The following CFAP77 variants were observed in gnomAD, a reference collection of about 807,000 sequenced individuals.
CFAP77 encodes cilia- and flagella-associated protein 77.
In CFAP77, 25 loss-of-function variants were observed where a neutral mutation model predicts 31.1. The ratio of observed to expected loss-of-function variants is 0.80; its 90% CI spans 0.59 to 1.12. The LOEUF is 1.12. Among genes scored for constraint, CFAP77 ranks in the 50% most tolerant of loss-of-function variants. The pLI, the probability that CFAP77 is intolerant of heterozygous loss-of-function variation, is 0.00. For synonymous variants in CFAP77, 151 were observed against 159.9 expected (o/e 0.94, Z 0.42); for missense variants, 377 against 397.3 (o/e 0.95, Z 0.44).
intron 1 of CFAP77, among the ~76,000 whole-genome samples, chr9:132,459,420 G>GGTGT (rs112825234): frequency 0.058 from 8,313 of 143,870 alleles, 306 homozygotes; most frequent in African/African-American, 0.1. Flanking sequence ...GGATGAATAG[G>GGTGT]GTGTGTGTGT....
chr9:132,509,544 A>G (rs531523056), intron 3 of CFAP77, among the ~76,000 whole-genome samples: 2 of 152,306 alleles, frequency 1.3e-5, no homozygotes, highest in Admixed American at 6.5e-5. Context: ...CAAGGCAAGT[A>G]GATCACTTGA....
intron 3 of CFAP77, among the ~76,000 whole-genome samples, chr9:132,525,736 A>T (rs926506740): frequency 3.3e-5 from 5 of 151,958 alleles, no homozygotes; most frequent in Non-Finnish European, 7.4e-5. Context: ...TCTTCCTCAC[A>T]CCCCCTATAG....
intron 3 of CFAP77, among the ~76,000 whole-genome samples, chr9:132,534,842 G>A (rs1589912711): frequency 6.6e-6 from 1 of 152,086 alleles, no homozygotes; most frequent in African/African-American, 2.4e-5. Context: ...TTCAACTCAC[G>A]GCCATTGTTA....
chr9:132,471,068 C>T (rs2131735525), intron 1 of CFAP77, among the ~76,000 whole-genome samples: 2 of 152,022 alleles, frequency 1.3e-5, no homozygotes, highest in African/African-American at 4.8e-5. Flanking sequence ...TTGTGTGGGC[C>T]CCTATAAGGA....
chr9:132,456,063 A>G (rs1850907080), intron 1 of CFAP77, among the ~76,000 whole-genome samples: 1 of 152,196 alleles, frequency 6.6e-6, no homozygotes, highest in Non-Finnish European at 1.5e-5. Context: ...GCACTCGTCC[A>G]TCCACGAATA....
intron 3 of CFAP77, among the ~76,000 whole-genome samples, chr9:132,508,010 G>C (rs1029482764): frequency 6.6e-6 from 1 of 152,318 alleles, no homozygotes; most frequent in Non-Finnish European, 1.5e-5. Flanking sequence ...AGAGCGCAGG[G>C]AGAATGTCAG....
chr9:132,438,519 G>GTATATATATATA (rs34631762), intron 1 of CFAP77, among the ~76,000 whole-genome samples: 5 of 116,676 alleles, frequency 4.3e-5, no homozygotes, highest in Admixed American at 1.9e-4. Flanking sequence ...AACAGATATG[G>GTATATATATATA]TATATATATA....
chr9:132,513,891 G>A (rs1486378549), intron 3 of CFAP77, among the ~76,000 whole-genome samples: 1 of 152,020 alleles, frequency 6.6e-6, no homozygotes, highest in African/African-American at 2.4e-5. Context: ...CCTCCTCTGT[G>A]TCATTGACCA....
chr9:132,560,927 G>A (rs542519328), intron 5 of CFAP77, among the ~76,000 whole-genome samples: 7 of 152,226 alleles, frequency 4.6e-5, no homozygotes, highest in Non-Finnish European at 8.8e-5. Flanking sequence ...GCATGTGTCA[G>A]CAGGGAGGGT....
At chr9:132,422,160 G>A (rs538067632) in intron 1 of CFAP77, among the ~76,000 whole-genome samples, 19 of 152,210 alleles carry the variant, frequency 1.2e-4, no homozygotes, top group African/African-American at 4.6e-4. Flanking sequence ...AGGCTCACAC[G>A]ACCATGCCCA....
chr9:132,475,377 A>C (rs1851333053), intron 1 of CFAP77, among the ~76,000 whole-genome samples: 1 of 152,202 alleles, frequency 6.6e-6, no homozygotes, highest in Non-Finnish European at 1.5e-5. Context: ...CTATGGCTGC[A>C]TCTACCACTA....
chr9:132,416,722 T>C (rs151231502), intron 1 of CFAP77, among the ~76,000 whole-genome samples: 2,904 of 150,598 alleles, frequency 0.019, 90 homozygotes, highest in African/African-American at 0.067. Flanking sequence ...ACAGCAGCCT[T>C]CGCCTCCTGG....
intron 1 of CFAP77, among the ~76,000 whole-genome samples, chr9:132,423,293 G>A (rs1443871277): frequency 2.0e-5 from 3 of 152,332 alleles, no homozygotes; most frequent in South Asian, 4.1e-4. Context: ...GGATGCTCAC[G>A]GGTCTGACTT....
chr9:132,529,818 C>G (rs1474605053), intron 3 of CFAP77, among the ~76,000 whole-genome samples: 1 of 144,604 alleles, frequency 6.9e-6, no homozygotes, highest in Non-Finnish European at 1.5e-5. Context: ...GACCAAGACT[C>G]TGTCTCAAAA....
At chr9:132,413,852 CTT>C (rs2131672941) in intron 1 of CFAP77, among the ~76,000 whole-genome samples, 1 of 152,252 alleles carries the variant, frequency 6.6e-6, no homozygotes, top group East Asian at 1.9e-4. Flanking sequence ...TTATTATTGA[CTT>C]TGTTTTTCTG....
chr9:132,539,683 C>T lies in CFAP77; in HGVS notation c.630+1977C>T, dbSNP rs894808892. On this transcript the variant is annotated intron_variant, in intron 4 of 5. Transcript: ENST00000393216. The surrounding 1 kb of genome is among the most constrained non-coding windows in gnomAD (Gnocchi z 4.3). ...AAGTGGGAGGCTGAGGATTTCCAGGCGTGGCGGGTGCCAGGGCCTCTCCTG... is the reference window on the plus strand; with the variant it reads ...AAGTGGGAGGCTGAGGATTTCCAGGTGTGGCGGGTGCCAGGGCCTCTCCTG... Among the ~76,000 whole-genome samples the T allele has an allele frequency of 2.6e-5, 4 of 152,162 alleles. No homozygotes were observed. The highest frequency in any genetic ancestry group is 2.1e-4 in the South Asian group (1 of 4,826).
intron 5 of CFAP77, among the ~76,000 whole-genome samples, chr9:132,543,962 C>G (rs1852690137): frequency 6.6e-6 from 1 of 152,198 alleles, no homozygotes; most frequent in African/African-American, 2.4e-5. Context: ...GTGTCCAGCT[C>G]AGGCAGAGGG....
At chr9:132,439,076 A>C (rs2082132838) in intron 1 of CFAP77, among the ~76,000 whole-genome samples, 1 of 151,684 alleles carries the variant, frequency 6.6e-6, no homozygotes, top group African/African-American at 2.4e-5. Flanking sequence ...GGGTCTCACC[A>C]TGTTGGCCAA....
In CFAP77 at chr9:132,572,583, C is replaced by T. The variant is rs1046066898; in HGVS notation, c.*73C>T. The T allele has an allele frequency of 2.8e-6, 4 of 1,437,878 alleles. No homozygotes were observed. The South Asian group carries it at 5.2e-5, about 19-fold the overall frequency. The allele number at this position is 1,437,878 out of a possible 1,614,324, so 89.1% of individuals were successfully genotyped here. On this transcript the variant is annotated 3_prime_UTR_variant, in exon 6 of 6. Transcript: ENST00000393216. ...TCCCAGAAGGACTCCCTATCTTGCC[C>T]CAACCCTGACATTCCCCCATTTTTA...
Sources: gnomAD v4.1 joint callset for allele counts (sites outside exome capture counted in the v4.1 genomes callset) on GRCh38, gnomAD v4.1.1 for gene constraint, Gnocchi (gnomAD v3.1) non-coding constraint, MANE v1.5 for transcripts, NCBI Gene and HGNC (gene_info 2026-07-23, HGNC 2026-07-21) for gene names.